NPR1: variants seen among roughly 807,000 people sequenced by gnomAD.
The protein encoded by NPR1 is atrial natriuretic peptide receptor 1.
In NPR1, 57 loss-of-function variants were observed where a neutral mutation model predicts 116.9. That is an observed-to-expected ratio of 0.49 (90% CI 0.39 to 0.61). The LOEUF is 0.61. NPR1 is among the 20% of genes least tolerant of loss of function. The pLI is 0.00. For synonymous variants in NPR1, 555 were observed against 601.6 expected, an observed-to-expected ratio of 0.92 and a Z score of 1.13; for missense variants, 1,096 against 1,409.8, an observed-to-expected ratio of 0.78 and a Z score of 3.56.
chr1:153,689,660 G>A lies in NPR1; in HGVS notation c.2757+139G>A, dbSNP rs757371626. 3.4e-5 allele frequency: 41 copies of A among 1,210,906 alleles called. No individual in the cohort carries two copies. The highest frequency in any genetic ancestry group is 5.5e-5 in the South Asian group (4 of 72,866). The allele number at this position is 1,210,906 out of a possible 1,614,324, so 75.0% of individuals were successfully genotyped here. On this transcript the variant is annotated intron_variant, in intron 18 of 21. Coordinates refer to ENST00000368680, the MANE Select transcript of NPR1 (RefSeq NM_000906.4). This position sits in a 1 kb window ranked among gnomAD's most constrained non-coding sequence, Gnocchi z 5.1. ...CAGAGACAGTGACACAGGGAGACCC[G>A]GGAACAGGCAGAGAACCCATGTGGG...
intron 14 of NPR1, 93 bp downstream of exon 14, chr1:153,687,882 C>T (rs1669975718): frequency 2.2e-6 from 3 of 1,350,952 alleles, no homozygotes; most frequent in Non-Finnish European, 3.1e-6. Flanking sequence ...CCACACCTTC[C>T]TTCTGTAATG....
intron 20 of NPR1, among the ~76,000 whole-genome samples, chr1:153,691,092 TCCTCATCTGTAA>T (rs1670098052): frequency 6.6e-6 from 1 of 152,182 alleles, no homozygotes; most frequent in Non-Finnish European, 1.5e-5. Context: ...GCCATGGTTT[TCCTCATCTGTAA>T]AAAGAGGGAA....
rs115754413 is a variant in NPR1 at position 153,681,763 on chromosome 1, G to A, written c.1095G>A (p.Thr365=). 3.5e-5 allele frequency: 57 copies of A among 1,613,890 alleles called. 2 individuals carry two copies. The highest frequency in any genetic ancestry group is 3.2e-4 in the South Asian group (29 of 91,090). The change falls in exon 4 of 22, where the codon ACG becomes ACA. Residue 365 remains threonine (T), a synonymous_variant. Transcript: ENST00000368680. Reference sequence around the variant, plus strand: ...TCCTGCTCTATATCCAGGCAGTGACGGAGACTCTGGCACATGGGGGAACTG... The same window carrying A: ...TCCTGCTCTATATCCAGGCAGTGACAGAGACTCTGGCACATGGGGGAACTG... ...DGLLLYIQAV[T]ETLAHGGTVT...
chr1:153,684,895 G>A lies in NPR1; in HGVS notation c.1485-69G>A, dbSNP rs970484455. Reference sequence around the variant, plus strand: ...GGTGTGGTCCCACGGCTCTGAGGAGGGGCTGCTGAGCACCCTGCCCTGGGT... The same window carrying A: ...GGTGTGGTCCCACGGCTCTGAGGAGAGGCTGCTGAGCACCCTGCCCTGGGT... On this transcript the variant is annotated intron_variant, in intron 7 of 21. Transcript: ENST00000368680. The A allele has an allele frequency of 3.8e-6, 6 of 1,595,904 alleles. No homozygotes were observed. In the African/African-American group the frequency reaches 5.4e-5, roughly 14 times the overall value.
Position 153,685,082 on chromosome 1 carries a change from G to A in NPR1, c.1603G>A (p.Gly535Arg), listed in dbSNP as rs572340596. The A allele has an allele frequency of 1.1e-5, 17 of 1,613,898 alleles. No individual in the cohort carries two copies. The African/African-American group carries it at 1.6e-4, about 15-fold the overall frequency. The change falls in exon 8 of 22, where the codon GGG (glycine) becomes AGG (arginine). Residue 535 changes from glycine (G) to arginine (R), a missense_variant and splice_region_variant. Transcript: ENST00000368680. ...TGCAGGCAGCCGGCTGACCCTGAGC[G>A]GGGTAAGAACGCTGGTGTTTGTGTT... ...RSAGSRLTLS[G>R]RGSNYGSLLT...
rs1670072823 is a variant in NPR1 at position 153,690,388 on chromosome 1, G to A, written c.3031+6G>A. 1 of 1,550,080 alleles carries A rather than the reference G, an allele frequency of 6.5e-7. No individual in the cohort carries two copies. Among genetic ancestry groups the A allele is most frequent in the African/African-American group, 1.4e-5 (1 of 73,114 alleles). Reference sequence around the variant, plus strand: ...AATGGAGTCTAATGGGGAAGGTACAGTGCCCCCTCCTAGAGGGAATGGGGA... The same window carrying A: ...AATGGAGTCTAATGGGGAAGGTACAATGCCCCCTCCTAGAGGGAATGGGGA... On this transcript the variant is annotated splice_donor_region_variant and intron_variant, in intron 20 of 21. Coordinates refer to ENST00000368680, the MANE Select transcript of NPR1 (RefSeq NM_000906.4).
intron 7 of NPR1, 73 bp from the exon 8 acceptor site, chr1:153,684,891 G>A: frequency 6.3e-7 from 1 of 1,592,450 alleles, no homozygotes; most frequent in Admixed American, 1.7e-5. Flanking sequence ...ACGGCTCTGA[G>A]GAGGGGCTGC....
intron 8 of NPR1, 34 bp from the exon 9 acceptor site, chr1:153,685,772 G>C (rs746588341): frequency 6.3e-6 from 10 of 1,577,868 alleles, no homozygotes; most frequent in Non-Finnish European, 8.7e-6. Flanking sequence ...TGGGCCCACC[G>C]GCTGACCATT....
At position 153,679,254 on chromosome 1, in the gene NPR1, C is replaced by T. The variant is rs1282431134; in HGVS notation, c.146C>T (p.Pro49Leu). 1 of 1,528,736 alleles carries T rather than the reference C, an allele frequency of 6.5e-7. No individual in the cohort carries two copies. Among genetic ancestry groups the T allele is most frequent in the Non-Finnish European group, 8.8e-7 (1 of 1,142,734 alleles). The allele number at this position is 1,528,736 out of a possible 1,614,324, so 94.7% of individuals were successfully genotyped here. A position where few individuals can be genotyped will look rare whatever the true frequency, so the allele number is the denominator to read the frequency against. Residue 49 changes from proline to leucine, a missense_variant, in exon 1 of 22, where the codon CCC becomes CTC. Physicochemically the swap from Pro to Leu is moderately conservative, Grantham distance 98. Transcript: ENST00000368680. The surrounding 1 kb of genome is among the most constrained non-coding windows in gnomAD (Gnocchi z 4.2). Reference protein sequence around the residue: ...VVLPLANTSYPWSWARVGPAV... With the variant: ...VVLPLANTSYLWSWARVGPAV... ...CTGCCGCTGGCCAATACCTCGTACCCCTGGTCGTGGGCGCGCGTGGGACCC... is the reference window on the plus strand; with the variant it reads ...CTGCCGCTGGCCAATACCTCGTACCTCTGGTCGTGGGCGCGCGTGGGACCC...
chr1:153,683,838 TG>T lies in NPR1; in HGVS notation c.1484+20del, dbSNP rs748091586. ...CTTCATATACAGGTGAGCTGTGATG[TG>T]GGGGGTTGAGTGAGGCTGGGGGACC... On this transcript the variant is annotated intron_variant, in intron 7 of 21. Transcript: ENST00000368680. 7 of 1,610,744 alleles carry T rather than the reference TG, an allele frequency of 4.3e-6. No individual in the cohort carries two copies. In the South Asian group the frequency reaches 6.6e-5, roughly 15 times the overall value.
chr1:153,693,217 C>A lies in NPR1; in HGVS notation c.3123+20C>A. ...ATGAAGGTAGAGGGAGAAGCCTCTG[C>A]CCTCCCCACCTTTTGGGGTCCTAGA... On this transcript the variant is annotated intron_variant, in intron 21 of 21. Coordinates refer to ENST00000368680, the MANE Select transcript of NPR1 (RefSeq NM_000906.4). 1 of 1,610,108 alleles carries A rather than the reference C, an allele frequency of 6.2e-7. No homozygotes were observed. Among genetic ancestry groups the A allele is most frequent in the Non-Finnish European group, 8.5e-7 (1 of 1,176,460 alleles).
At position 153,683,414 on chromosome 1, in the gene NPR1, G is replaced by A; in HGVS notation, c.1302G>A (p.Val434=). The change falls in exon 6 of 22, where the codon GTG becomes GTA. Residue 434 remains valine, a synonymous_variant. Transcript: ENST00000368680. ...LNYNGTSQEL[V]AVSGRKLNWP... is the part of the protein sequence containing the mutation. Reference sequence around the variant, plus strand: ...ACAATGGGACTTCCCAAGAGCTGGTGGCTGTGTCGGGGCGCAAACTGAACT... The same window carrying A: ...ACAATGGGACTTCCCAAGAGCTGGTAGCTGTGTCGGGGCGCAAACTGAACT... 1 of 1,614,196 alleles carries A rather than the reference G, an allele frequency of 6.2e-7. No individual in the cohort carries two copies. Among genetic ancestry groups the A allele is most frequent in the Non-Finnish European group, 8.5e-7 (1 of 1,180,044 alleles).
intron 20 of NPR1, 33 bp from the exon 21 acceptor site, chr1:153,693,073 T>A (rs1283775419): frequency 6.4e-7 from 1 of 1,556,372 alleles, no homozygotes. Flanking sequence ...TCTCTCACAT[T>A]GCTCACCTTC....
intron 10 of NPR1, among the ~76,000 whole-genome samples, 158 bp downstream of exon 10, chr1:153,686,358 G>A (rs1188187637): frequency 6.6e-6 from 1 of 152,002 alleles, no homozygotes; most frequent in Non-Finnish European, 1.5e-5. Context: ...GGTGGGAGTG[G>A]GGGTATCCTA....
intron 21 of NPR1, 68 bp downstream of exon 21, chr1:153,693,265 C>T: frequency 6.3e-7 from 1 of 1,595,794 alleles, no homozygotes; most frequent in Non-Finnish European, 8.6e-7. Context: ...TCTCAAGCAG[C>T]CAATGCCACT....
At chr1:153,680,727 C>CTG (rs764429659) in intron 2 of NPR1, 27 bp downstream of exon 2, 1 of 1,569,440 alleles carries the variant, frequency 6.4e-7, no homozygotes, top group Non-Finnish European at 8.7e-7. Flanking sequence ...GAAGCCCAGG[C>CTG]TGTCTCAGCT....
intron 20 of NPR1, 125 bp downstream of exon 20, chr1:153,690,507 TCTC>T (rs1449766618): frequency 1.6e-6 from 1 of 643,766 alleles, no homozygotes; most frequent in African/African-American, 1.8e-5. Flanking sequence ...AAGTTCCCCT[TCTC>T]ATAATATTAA....
At chr1:153,693,289 C>T in intron 21 of NPR1, 63 bp from the exon 22 acceptor site, 2 of 1,601,264 alleles carry the variant, frequency 1.2e-6, no homozygotes, top group Non-Finnish European at 1.7e-6. Flanking sequence ...ATCCCTAAGG[C>T]TCTCATCTGA....
At chr1:153,687,129 A>G (rs762222412) in intron 12 of NPR1, 42 bp downstream of exon 12, 12 of 1,613,636 alleles carry the variant, frequency 7.4e-6, no homozygotes, top group Non-Finnish European at 8.5e-6. Context: ...AGCAGGGGCC[A>G]GGCATGCTTC....
Sources: allele counts gnomAD v4.1 joint callset (sites outside exome capture counted in the v4.1 genomes callset), GRCh38; gene constraint gnomAD v4.1.1; non-coding constraint Gnocchi (gnomAD v3.1); transcripts MANE v1.5; gene names NCBI Gene and HGNC (gene_info 2026-07-23, HGNC 2026-07-21).